STK32B: variants seen among roughly 807,000 people sequenced by gnomAD.
STK32B encodes serine/threonine-protein kinase 32B.
A neutral mutation model predicts 52.6 loss-of-function variants in STK32B; 43 were observed. The observed-to-expected ratio is 0.82, with a 90% confidence interval of 0.64 to 1.05. STK32B has a LOEUF of 1.05. Ranked by LOEUF, STK32B falls within the 50% of genes least tolerant of loss-of-function variation. The pLI, the probability that STK32B is intolerant of heterozygous loss-of-function variation, is 0.00. For missense variants in STK32B, 621 were observed against 534.6 expected (o/e 1.16, Z -1.59); for synonymous variants, 238 against 204.3 (o/e 1.17, Z -1.41).
chr4:5,417,235 C>A (rs1213662124), intron 6 of STK32B, among the ~76,000 whole-genome samples: 1 of 152,206 alleles, frequency 6.6e-6, no homozygotes, highest in South Asian at 2.1e-4. Flanking sequence ...CATTTATGTT[C>A]AGTATTTTCC....
At chr4:5,302,250 A>T (rs1560298612) in intron 3 of STK32B, among the ~76,000 whole-genome samples, 1 of 151,712 alleles carries the variant, frequency 6.6e-6, no homozygotes. Context: ...CTTTCAGTGT[A>T]TCCCCAGATT....
At chr4:5,212,735 G>T (rs955009532) in intron 3 of STK32B, among the ~76,000 whole-genome samples, 2 of 152,210 alleles carry the variant, frequency 1.3e-5, no homozygotes, top group African/African-American at 4.8e-5. Flanking sequence ...CATTTTATGT[G>T]CATTCAATTT....
intron 3 of STK32B, among the ~76,000 whole-genome samples, chr4:5,286,220 A>G (rs1332459617): frequency 6.6e-6 from 1 of 152,232 alleles, no homozygotes; most frequent in Non-Finnish European, 1.5e-5. Context: ...AAGAAACTCA[A>G]AACTACATTA....
chr4:5,304,807 G>C (rs977712041), intron 3 of STK32B, among the ~76,000 whole-genome samples: 1 of 151,894 alleles, frequency 6.6e-6, no homozygotes, highest in Non-Finnish European at 1.5e-5. Context: ...CCATTCAGTA[G>C]AATATTGGCT....
intron 3 of STK32B, among the ~76,000 whole-genome samples, chr4:5,274,003 A>T (rs1050871173): frequency 6.6e-6 from 1 of 151,958 alleles, no homozygotes. Context: ...AAAAAAAAGA[A>T]ACAAAAAAAC....
At chr4:5,273,770 C>A (rs948438460) in intron 3 of STK32B, among the ~76,000 whole-genome samples, 1 of 137,688 alleles carries the variant, frequency 7.3e-6, no homozygotes, top group African/African-American at 2.8e-5. Flanking sequence ...CATATTCTCA[C>A]TCATAGGTGG....
intron 6 of STK32B, among the ~76,000 whole-genome samples, chr4:5,429,275 C>T (rs1713363446): frequency 6.6e-6 from 1 of 151,978 alleles, no homozygotes; most frequent in Admixed American, 6.6e-5. Context: ...ATATTTAGAC[C>T]ACTTATATTT....
chr4:5,382,540 G>A (rs571055906), intron 4 of STK32B, among the ~76,000 whole-genome samples: 11 of 151,920 alleles, frequency 7.2e-5, no homozygotes, highest in Non-Finnish European at 1.3e-4. Context: ...AAGGTCCCCT[G>A]GTCCCTCTCT....
chr4:5,363,561 A>G (rs74785307), intron 4 of STK32B, among the ~76,000 whole-genome samples: 7,969 of 152,202 alleles, frequency 0.052, 322 homozygotes, highest in African/African-American at 0.11. Context: ...GCTTTTTTTT[A>G]GAAATTACAG....
intron 1 of STK32B, among the ~76,000 whole-genome samples, chr4:5,138,051 C>G (rs1025174626): frequency 1.3e-5 from 2 of 152,152 alleles, no homozygotes; most frequent in African/African-American, 4.8e-5. Context: ...TAACAAGCTG[C>G]AGTCCAAGCT....
chr4:5,308,186 G>T (rs1221681079), intron 3 of STK32B, among the ~76,000 whole-genome samples: 2 of 152,192 alleles, frequency 1.3e-5, no homozygotes, highest in African/African-American at 4.8e-5. Context: ...GGGCTAAAGA[G>T]CTTTCAAGAG....
intron 3 of STK32B, among the ~76,000 whole-genome samples, chr4:5,214,017 A>G (rs1388370561): frequency 1.3e-5 from 2 of 152,128 alleles, no homozygotes; most frequent in African/African-American, 4.8e-5. Flanking sequence ...GATTCTGTGC[A>G]TGGTATGAGG....
At chr4:5,185,548 G>T (rs1221917167) in intron 3 of STK32B, among the ~76,000 whole-genome samples, 2 of 152,198 alleles carry the variant, frequency 1.3e-5, no homozygotes, top group East Asian at 1.9e-4. Flanking sequence ...AAAGGGACGT[G>T]GGGGAGGACA....
At chr4:5,174,657 C>T (rs991833781) in intron 3 of STK32B, among the ~76,000 whole-genome samples, 8 of 152,220 alleles carry the variant, frequency 5.3e-5, no homozygotes, top group African/African-American at 1.9e-4. Flanking sequence ...TGTAGAGTTT[C>T]TGCCGAGAGA....
rs1716161904 is a variant in STK32B, at chr4:5,453,211, T to TG, written c.667-3596_667-3595insG. On this transcript the variant is annotated intron_variant, in intron 7 of 11. Coordinates refer to ENST00000282908, the MANE Select transcript of STK32B (RefSeq NM_018401.3). This position sits in a 1 kb window ranked among gnomAD's most constrained non-coding sequence, Gnocchi z 4.0. ...CGGTTGCCTCCAGAAGGAGAGAGAA[T>TG]TACAGAGATTAGGGAGAGAGAGAGA... is the stretch of plus-strand genomic sequence containing the variant. 7.3e-6 allele frequency among the ~76,000 whole-genome samples: 1 copy of TG among 137,514 alleles called. No individual in the cohort carries two copies. Among genetic ancestry groups the TG allele is most frequent in the African/African-American group, 2.7e-5 (1 of 37,424 alleles). 90.2% of individuals were successfully genotyped at this position (137,514 alleles called of 152,430 possible).
intron 4 of STK32B, among the ~76,000 whole-genome samples, chr4:5,389,917 G>A (rs1325598937): frequency 6.6e-6 from 1 of 152,190 alleles, no homozygotes; most frequent in Non-Finnish European, 1.5e-5. Flanking sequence ...CGGAGAAGCA[G>A]TAGGAGATGC....
intron 3 of STK32B, among the ~76,000 whole-genome samples, chr4:5,296,385 G>T (rs1729198572): frequency 6.6e-6 from 1 of 152,174 alleles, no homozygotes; most frequent in African/African-American, 2.4e-5. Context: ...CACTGTTATT[G>T]TGTGGGAGTC....
chr4:5,340,798 G>T (rs1375687424), intron 4 of STK32B, among the ~76,000 whole-genome samples: 8 of 152,112 alleles, frequency 5.3e-5, no homozygotes, highest in Admixed American at 5.2e-4. Context: ...TGCACATGGG[G>T]TATATGCATG....
chr4:5,251,382 T>G (rs1263282138), intron 3 of STK32B, among the ~76,000 whole-genome samples: 2 of 152,178 alleles, frequency 1.3e-5, no homozygotes, highest in African/African-American at 2.4e-5. Flanking sequence ...TTGTTGAAGG[T>G]CAGATGGTTG....
Sources: gnomAD v4.1 joint callset for allele counts (sites outside exome capture counted in the v4.1 genomes callset) on GRCh38, gnomAD v4.1.1 for gene constraint, Gnocchi (gnomAD v3.1) non-coding constraint, MANE v1.5 for transcripts, NCBI Gene and HGNC (gene_info 2026-07-23, HGNC 2026-07-21) for gene names.